The following SYDE1 variants were observed in gnomAD, a reference collection of about 807,000 sequenced individuals.
SYDE1 encodes rho GTPase-activating protein SYDE1.
Under a neutral mutation model 63.3 loss-of-function variants are expected in SYDE1, and 34 were observed. That is an observed-to-expected ratio of 0.54 (90% CI 0.41 to 0.71). SYDE1 has a LOEUF of 0.71. Among genes scored for constraint, SYDE1 ranks in the 30% least tolerant of loss-of-function variants. The probability of loss-of-function intolerance (pLI) is 0.00; values close to 1 mark genes in which losing one functional copy is unlikely to be tolerated. For missense variants in SYDE1, 925 were observed against 1,042.5 expected (o/e 0.89, Z 1.55); for synonymous variants, 467 against 473.4 (o/e 0.99, Z 0.18).
In SYDE1 at chr19:15,107,484, G is replaced by C; in HGVS notation, c.51G>C (p.Glu17Asp). The change falls in exon 1 of 8, where the codon GAG becomes GAC. Residue 17 changes from glutamate (E) to aspartate (D), a missense_variant. Glu to Asp is a conservative substitution (Grantham distance 45, BLOSUM62 2). Coordinates refer to ENST00000342784, the MANE Select transcript of SYDE1 (RefSeq NM_033025.6). The part of the protein sequence containing the change: ...RKTFSRLRGR[E>D]KLPRKKSDAK... ...CCTTCTCCCGCCTGCGGGGCCGGGA[G>C]AAACTTCCCCGGAAAAAGTCGGACG... The C allele has an allele frequency of 6.5e-7, 1 of 1,545,536 alleles. No individual in the cohort carries two copies. The highest frequency in any genetic ancestry group is 8.7e-7 in the Non-Finnish European group (1 of 1,143,356).
Position 15,113,552 on chromosome 19 carries a change from C to G in SYDE1, c.1805-8C>G, listed in dbSNP as rs1473696148. The G allele has an allele frequency of 6.5e-7, 1 of 1,537,244 alleles. No homozygotes were observed. Among genetic ancestry groups the G allele is most frequent in the East Asian group, 2.3e-5 (1 of 44,210 alleles). ...CCTCTTTCTATGACCTACCCTGTCT[C>G]CCTTCAGATCCCCGCCTGCCCCGAC... On this transcript the variant is annotated splice_region_variant and splice_polypyrimidine_tract_variant and intron_variant, in intron 7 of 7. Transcript: ENST00000342784.
At position 15,109,381 on chromosome 19, in the gene SYDE1, G is replaced by A; in HGVS notation, c.414G>A (p.Glu138=). The stretch of plus-strand genomic sequence containing the variant: ...CACAGCCTGGCTCAGCTGAGTCAGA[G>A]GGCCTGGCCCCCCAAGGTAAGAACA... The part of the protein sequence containing the change: ...PGPQPGSAES[E]GLAPQGAAPA... The change falls in exon 2 of 8, where the codon GAG becomes GAA. Residue 138 remains glutamate, a synonymous_variant. Coordinates refer to ENST00000342784, the MANE Select transcript of SYDE1 (RefSeq NM_033025.6). The surrounding 1 kb of genome is among the most constrained non-coding windows in gnomAD (Gnocchi z 5.0). 1 of 1,553,740 alleles carries A rather than the reference G, an allele frequency of 6.4e-7. No individual in the cohort carries two copies. The highest frequency in any genetic ancestry group is 2.3e-5 in the East Asian group (1 of 44,294).
In SYDE1 at chr19:15,110,434, C is replaced by A. The variant is rs1401670110; in HGVS notation, c.1075+86C>A. On this transcript the variant is annotated intron_variant, in intron 3 of 7. Transcript: ENST00000342784. This position sits in a 1 kb window ranked among gnomAD's most constrained non-coding sequence, Gnocchi z 6.9. ...CGCAGAGTGCCTAGGGGGCTGGGCTCCGGGCGGAAGGTGTGGCCTGGAGCA... is the reference window on the plus strand; with the variant it reads ...CGCAGAGTGCCTAGGGGGCTGGGCTACGGGCGGAAGGTGTGGCCTGGAGCA... 1 of 1,481,174 alleles carries A rather than the reference C, an allele frequency of 6.8e-7. No individual in the cohort carries two copies. The highest frequency in any genetic ancestry group is 9.0e-7 in the Non-Finnish European group (1 of 1,111,264). The allele number at this position is 1,481,174 out of a possible 1,614,324, so 91.8% of individuals were successfully genotyped here.
rs551211000 is a variant in SYDE1 at position 15,107,480 on chromosome 19, G to C, written c.47G>C (p.Arg16Pro). The C allele has an allele frequency of 1.3e-6, 2 of 1,541,240 alleles. No individual in the cohort carries two copies. The highest frequency in any genetic ancestry group is 2.5e-5 in the East Asian group (1 of 40,632). Reference sequence around the variant, plus strand: ...AAAACCTTCTCCCGCCTGCGGGGCCGGGAGAAACTTCCCCGGAAAAAGTCG... The same window carrying C: ...AAAACCTTCTCCCGCCTGCGGGGCCCGGAGAAACTTCCCCGGAAAAAGTCG... ...LRKTFSRLRGREKLPRKKSDA... is the reference protein window; with the variant it reads ...LRKTFSRLRGPEKLPRKKSDA... The change falls in exon 1 of 8, where the codon CGG (arginine) becomes CCG (proline). Residue 16 changes from arginine to proline, a missense_variant. Coordinates refer to ENST00000342784, the MANE Select transcript of SYDE1 (RefSeq NM_033025.6).
rs1031288061 is a variant in SYDE1, at chr19:15,108,733, C to T, written c.89-323C>T. 6 of 275,646 alleles carry T rather than the reference C, an allele frequency of 2.2e-5. No individual in the cohort carries two copies. Among genetic ancestry groups the T allele is most frequent in the Non-Finnish European group, 2.7e-5 (4 of 148,050 alleles). The allele number at this position is 275,646 out of a possible 1,614,324, so 17.1% of individuals were successfully genotyped here. On this transcript the variant is annotated intron_variant, in intron 1 of 7. Transcript: ENST00000342784. This position sits in a 1 kb window ranked among gnomAD's most constrained non-coding sequence, Gnocchi z 4.3. Reference sequence around the variant, plus strand: ...CACGCAGGTGCAAAGCTCCATGCCACGGTTATTGAGAGGGTAGAGGAAGTG... The same window carrying T: ...CACGCAGGTGCAAAGCTCCATGCCATGGTTATTGAGAGGGTAGAGGAAGTG...
rs369994266 is a variant in SYDE1, at chr19:15,110,376, G to A, written c.1075+28G>A. 2.8e-6 allele frequency: 4 copies of A among 1,436,562 alleles called. No homozygotes were observed. In the African/African-American group the frequency reaches 4.3e-5, roughly 15 times the overall value. 89.0% of individuals were successfully genotyped at this position (1,436,562 alleles called of 1,614,324 possible). A position where few individuals can be genotyped will look rare whatever the true frequency, so the allele number is the denominator to read the frequency against. Reference sequence around the variant, plus strand: ...AGGACATGCGGCTGCAGGGGAGGAGGGGCAGGGACCCCCAAACCCCACCGC... The same window carrying A: ...AGGACATGCGGCTGCAGGGGAGGAGAGGCAGGGACCCCCAAACCCCACCGC... On this transcript the variant is annotated intron_variant, in intron 3 of 7. Transcript: ENST00000342784. The surrounding 1 kb of genome is among the most constrained non-coding windows in gnomAD (Gnocchi z 6.9).
Position 15,109,371 on chromosome 19 carries a change from C to A in SYDE1, c.404C>A (p.Ala135Asp). ...PEPPGPQPGSAESEGLAPQGA... is the reference protein window; with the variant it reads ...PEPPGPQPGSDESEGLAPQGA... Reference sequence around the variant, plus strand: ...CCCCCGGGGCCACAGCCTGGCTCAGCTGAGTCAGAGGGCCTGGCCCCCCAA... The same window carrying A: ...CCCCCGGGGCCACAGCCTGGCTCAGATGAGTCAGAGGGCCTGGCCCCCCAA... Residue 135 changes from alanine to aspartate, a missense_variant, in exon 2 of 8, where the codon GCT becomes GAT. Around this residue, in one of 3 missense-constraint regions of SYDE1, gnomAD observed 599 missense variants for 653.7 expected, o/e 0.92. Coordinates refer to ENST00000342784, the MANE Select transcript of SYDE1 (RefSeq NM_033025.6). The surrounding 1 kb of genome is among the most constrained non-coding windows in gnomAD (Gnocchi z 5.0). 1 of 1,571,332 alleles carries A rather than the reference C, an allele frequency of 6.4e-7. No individual in the cohort carries two copies.
In SYDE1 at chr19:15,110,954, G is replaced by A. The variant is rs73504003; in HGVS notation, c.1290+219G>A. Among the ~76,000 whole-genome samples the A allele has an allele frequency of 3.9e-3, 589 of 152,258 alleles. 3 individuals are homozygous for A. The highest frequency in any genetic ancestry group is 0.014 in the African/African-American group (564 of 41,540). On this transcript the variant is annotated intron_variant, in intron 4 of 7. Coordinates refer to ENST00000342784, the MANE Select transcript of SYDE1 (RefSeq NM_033025.6). This position sits in a 1 kb window ranked among gnomAD's most constrained non-coding sequence, Gnocchi z 6.9. The stretch of plus-strand genomic sequence containing the variant: ...TAAAAACAGGATCCAAGCCCTCCTG[G>A]GGCTCAGAGTCTGATGGGGGAAAAG...
Position 15,111,435 on chromosome 19 carries a change from C to T in SYDE1, c.1413C>T (p.Ile471=), listed in dbSNP as rs746469635. 6.2e-6 allele frequency: 10 copies of T among 1,613,970 alleles called. No homozygotes were observed. The highest frequency in any genetic ancestry group is 8.5e-6 in the Non-Finnish European group (10 of 1,179,898). Residue 471 remains isoleucine (I), a synonymous_variant, in exon 5 of 8, where the codon ATC becomes ATT. Transcript: ENST00000342784. The surrounding 1 kb of genome is among the most constrained non-coding windows in gnomAD (Gnocchi z 5.5). ...ACCTGTACCCCGATATCAATGTCAT[C>T]ACTGGTCAGCATGGCCCCCTCTCCC... ...SEDLYPDINV[I]TGILKDYLRE... is the part of the protein sequence containing the mutation.
In SYDE1 at chr19:15,110,576, CA is replaced by C; in HGVS notation, c.1133del (p.Lys378SerfsTer2). On this transcript the variant is annotated frameshift_variant, in exon 4 of 8. Coordinates refer to ENST00000342784, the MANE Select transcript of SYDE1 (RefSeq NM_033025.6). LOFTEE classifies it high-confidence loss of function. The surrounding 1 kb of genome is among the most constrained non-coding windows in gnomAD (Gnocchi z 6.9). Reference protein sequence around the residue: ...RLEPQGLLYAKLTLSEQQEAP... With the variant: ...RLEPQGLLYAXLTLSEQQEAP... Reference sequence around the variant, plus strand: ...TGGAGCCTCAGGGGCTGCTGTATGCCAAGCTGACCCTGTCGGAGCAGCAGGA... The same window carrying C: ...TGGAGCCTCAGGGGCTGCTGTATGCCAGCTGACCCTGTCGGAGCAGCAGGA... 1 of 1,598,630 alleles carries C rather than the reference CA, an allele frequency of 6.3e-7. No individual in the cohort carries two copies. Among genetic ancestry groups the C allele is most frequent in the African/African-American group, 1.3e-5 (1 of 74,812 alleles).
chr19:15,113,667 C>T lies in SYDE1; in HGVS notation c.1912C>T (p.Arg638Cys). ...LADPEVVTRPRGRGGPESPPS... is the reference protein window; with the variant it reads ...LADPEVVTRPCGRGGPESPPS... ...AGACCCCGAAGTGGTGACTCGGCCCCGCGGTCGAGGAGGCCCCGAAAGCCC... is the reference window on the plus strand; with the variant it reads ...AGACCCCGAAGTGGTGACTCGGCCCTGCGGTCGAGGAGGCCCCGAAAGCCC... The change falls in exon 8 of 8, where the codon CGC becomes TGC. Residue 638 changes from arginine (R) to cysteine (C), a missense_variant. By Grantham distance (180) the Arg-to-Cys change is radical. Around this residue, in one of 3 missense-constraint regions of SYDE1, gnomAD observed 255 missense variants for 255.9 expected, o/e 1.00. Coordinates refer to ENST00000342784, the MANE Select transcript of SYDE1 (RefSeq NM_033025.6). 3 of 1,613,188 alleles carry T rather than the reference C, an allele frequency of 1.9e-6. No individual in the cohort carries two copies. The highest frequency in any genetic ancestry group is 2.2e-5 in the South Asian group (2 of 91,032).
chr19:15,110,711 G>A lies in SYDE1; in HGVS notation c.1266G>A (p.Gly422=). ...QVPLIIQKCV[G]QIERRGLRVV... ...CCCTCATCATCCAGAAGTGCGTTGG[G>A]CAGATCGAGCGCCGAGGGCTGCGGG... Residue 422 remains glycine (G), a synonymous_variant, in exon 4 of 8, where the codon GGG becomes GGA. Transcript: ENST00000342784. The surrounding 1 kb of genome is among the most constrained non-coding windows in gnomAD (Gnocchi z 6.9). 1.9e-6 allele frequency: 3 copies of A among 1,570,236 alleles called. No homozygotes were observed. The highest frequency in any genetic ancestry group is 2.6e-6 in the Non-Finnish European group (3 of 1,160,832).
Position 15,108,871 on chromosome 19 carries a change from C to A in SYDE1, c.89-185C>A. 1 of 939,658 alleles carries A rather than the reference C, an allele frequency of 1.1e-6. No individual in the cohort carries two copies. Among genetic ancestry groups the A allele is most frequent in the Non-Finnish European group, 1.5e-6 (1 of 673,970 alleles). 58.2% of individuals were successfully genotyped at this position (939,658 alleles called of 1,614,324 possible). ...GGGACTGAGTAGGGGGTGCTCTAAG[C>A]TGATAACTGAGATCGCTAGCCTGTG... On this transcript the variant is annotated intron_variant, in intron 1 of 7. Transcript: ENST00000342784. This position sits in a 1 kb window ranked among gnomAD's most constrained non-coding sequence, Gnocchi z 4.3.
Position 15,113,921 on chromosome 19 carries a change from T to C in SYDE1, c.2166T>C (p.Asp722=), listed in dbSNP as rs756666574. The change falls in exon 8 of 8, where the codon GAT becomes GAC. Residue 722 remains aspartate, a synonymous_variant. Coordinates refer to ENST00000342784, the MANE Select transcript of SYDE1 (RefSeq NM_033025.6). ...AAGACTTCGACGCCCTCATCCTGGA[T>C]CTGGAGAGAGAGCTCTCCAAGCAAA... is the stretch of plus-strand genomic sequence containing the variant. ...NLKDFDALIL[D]LERELSKQIN... is the part of the protein sequence containing the mutation. The C allele has an allele frequency of 2.2e-5, 35 of 1,613,858 alleles. No homozygotes were observed. The highest frequency in any genetic ancestry group is 1.8e-4 in the Admixed American group (11 of 60,004).
At position 15,110,822 on chromosome 19, in the gene SYDE1, C is replaced by T. The variant is rs1302053276; in HGVS notation, c.1290+87C>T. 1.7e-6 allele frequency: 2 copies of T among 1,207,658 alleles called. No homozygotes were observed. The highest frequency in any genetic ancestry group is 2.6e-5 in the East Asian group (1 of 38,830). 74.8% of individuals were successfully genotyped at this position (1,207,658 alleles called of 1,614,324 possible). A position where few individuals can be genotyped will look rare whatever the true frequency, so the allele number is the denominator to read the frequency against. ...CCTATGTACAGATGCCAGACCCCTA[C>T]CCCCAGGCCTGAGCCACTCCTAGCT... On this transcript the variant is annotated intron_variant, in intron 4 of 7. Coordinates refer to ENST00000342784, the MANE Select transcript of SYDE1 (RefSeq NM_033025.6). This position sits in a 1 kb window ranked among gnomAD's most constrained non-coding sequence, Gnocchi z 6.9.
In SYDE1 at chr19:15,107,487, A is replaced by G; in HGVS notation, c.54A>G (p.Lys18=). 1.9e-6 allele frequency: 3 copies of G among 1,543,382 alleles called. No individual in the cohort carries two copies. The highest frequency in any genetic ancestry group is 2.6e-6 in the Non-Finnish European group (3 of 1,142,056). ...KTFSRLRGRE[K]LPRKKSDAKE... is the part of the protein sequence containing the mutation. ...TCTCCCGCCTGCGGGGCCGGGAGAA[A>G]CTTCCCCGGAAAAAGTCGGACGCCA... Residue 18 remains lysine (K), a synonymous_variant, in exon 1 of 8, where the codon AAA becomes AAG. Coordinates refer to ENST00000342784, the MANE Select transcript of SYDE1 (RefSeq NM_033025.6).
chr19:15,114,060 G>C lies in SYDE1; in HGVS notation c.*97G>C, dbSNP rs2046366516. Reference sequence around the variant, plus strand: ...CAAGGAGAGCCAGACCTGTTGCTCAGGCCGAGCTCCTGGTTGCCAGCGAGT... The same window carrying C: ...CAAGGAGAGCCAGACCTGTTGCTCACGCCGAGCTCCTGGTTGCCAGCGAGT... On this transcript the variant is annotated 3_prime_UTR_variant, in exon 8 of 8. Coordinates refer to ENST00000342784, the MANE Select transcript of SYDE1 (RefSeq NM_033025.6). 1.5e-6 allele frequency: 2 copies of C among 1,296,396 alleles called. No individual in the cohort carries two copies. The highest frequency in any genetic ancestry group is 2.1e-6 in the Non-Finnish European group (2 of 940,948). 80.3% of individuals were successfully genotyped at this position (1,296,396 alleles called of 1,614,324 possible).
intron 1 of SYDE1, among the ~76,000 whole-genome samples, chr19:15,107,919 G>C (rs1292341775): frequency 6.6e-6 from 1 of 152,142 alleles, no homozygotes; most frequent in Non-Finnish European, 1.5e-5. Context: ...TGGGAGATGG[G>C]AGGCGTACTC....
Position 15,110,663 on chromosome 19 carries a change from G to GGA in SYDE1, c.1220_1221dup (p.Arg408SerfsTer25). The GGA allele has an allele frequency of 6.3e-7, 1 of 1,586,340 alleles. No homozygotes were observed. Among genetic ancestry groups the GGA allele is most frequent in the Non-Finnish European group, 8.6e-7 (1 of 1,168,154 alleles). On this transcript the variant is annotated frameshift_variant, in exon 4 of 8. Coordinates refer to ENST00000342784, the MANE Select transcript of SYDE1 (RefSeq NM_033025.6). LOFTEE classifies it high-confidence loss of function. This position sits in a 1 kb window ranked among gnomAD's most constrained non-coding sequence, Gnocchi z 6.9. ...TGCCCCTGCCACTGCTGGTGGAGCG[G>GGA]GAGCGGCCCCCCGGCCAGGTGCCCC...
Sources: allele counts gnomAD v4.1 joint callset (sites outside exome capture counted in the v4.1 genomes callset), GRCh38; gene constraint gnomAD v4.1.1; regional missense constraint gnomAD v4.1.1; non-coding constraint Gnocchi (gnomAD v3.1); transcripts MANE v1.5; gene names NCBI Gene and HGNC (gene_info 2026-07-23, HGNC 2026-07-21).